Variants in ABCA7 observed in about 807,000 individuals in gnomAD.
ABCA7 encodes the protein ATP binding cassette subfamily A member 7.
Under a neutral mutation model 227.6 loss-of-function variants are expected in ABCA7, and 261 were observed. That is an observed-to-expected ratio of 1.15 (90% CI 1.04 to 1.27). The LOEUF (loss-of-function observed/expected upper bound fraction) is 1.27. ABCA7 is among the 50% of genes most tolerant of loss of function. ABCA7 has a pLI of 0.00. For missense variants in ABCA7, 3,331 were observed against 2,924.5 expected, an observed-to-expected ratio of 1.14 and a Z score of -3.21; for synonymous variants, 1,488 against 1,279.7, an observed-to-expected ratio of 1.16 and a Z score of -3.47.
intron 6 of ABCA7, 133 bp from the exon 7 acceptor site, chr19:1,042,613 C>T (rs752034201): frequency 1.8e-5 from 19 of 1,073,906 alleles, no homozygotes; most frequent in Non-Finnish European, 2.7e-5. Flanking sequence ...AGTCCCTTTG[C>T]CTCTCAGAGC....
At chr19:1,046,084 T>G (rs901446354) in intron 12 of ABCA7, 146 bp from the exon 13 acceptor site, 1 of 897,692 alleles carries the variant, frequency 1.1e-6, no homozygotes, top group Non-Finnish European at 1.7e-6. Flanking sequence ...TCCCGGGAGG[T>G]CAAGGCTGCA....
rs752328426 is a variant in ABCA7, at chr19:1,062,179, C to T, written c.5578C>T (p.Arg1860Trp). The T allele has an allele frequency of 6.8e-6, 11 of 1,611,892 alleles. No homozygotes were observed. Among genetic ancestry groups the T allele is most frequent in the South Asian group, 1.1e-5 (1 of 91,068 alleles). Residue 1860 changes from arginine (R) to tryptophan (W), a missense_variant, in exon 42 of 47, where the codon CGG (arginine) becomes TGG (tryptophan). Transcript: ENST00000263094. The part of the protein sequence containing the change: ...EAVLAGHSVA[R>W]EPSAAHLSMG... The stretch of plus-strand genomic sequence containing the variant: ...CGGCGCCCCCATCCCCAGCGTGGCC[C>T]GGGAACCCAGTGCTGCGCACCTCAG...
chr19:1,042,506 G>A, intron 6 of ABCA7, 109 bp downstream of exon 6: 1 of 1,375,726 alleles, frequency 7.3e-7, no homozygotes, highest in South Asian at 1.2e-5. Context: ...CATCCAGGCT[G>A]TCCCTGGTCT....
At chr19:1,053,292 A>T (rs1159055218) in intron 23 of ABCA7, 37 bp from the exon 24 acceptor site, 3 of 1,584,394 alleles carry the variant, frequency 1.9e-6, no homozygotes, top group Non-Finnish European at 2.6e-6. Flanking sequence ...GTGGGGCGTG[A>T]GCCGGGGCTC....
chr19:1,047,120 C>T (rs903650244), intron 14 of ABCA7, 37 bp from the exon 15 acceptor site: 1 of 1,575,738 alleles, frequency 6.3e-7, no homozygotes, highest in African/African-American at 1.4e-5. Context: ...CAGGCCAATC[C>T]AGGAGCTGCA....
Position 1,058,167 on chromosome 19 carries a change from A to G in ABCA7, c.5047A>G (p.Ile1683Val). The change falls in exon 37 of 47, where the codon ATC becomes GTC. Residue 1683 changes from isoleucine to valine, a missense_variant. Transcript: ENST00000263094. ...SDQKLQEVSRILKQVFLIFPH... is the reference protein window; with the variant it reads ...SDQKLQEVSRVLKQVFLIFPH... ...GCAGAAGCTGCAGGAGGTGAGCCGG[A>G]TCTTGAAACAGGTCTTCCTTATCTT... 6.2e-7 allele frequency: 1 copy of G among 1,613,826 alleles called. No homozygotes were observed. Among genetic ancestry groups the G allele is most frequent in the Non-Finnish European group, 8.5e-7 (1 of 1,179,966 alleles).
At position 1,056,807 on chromosome 19, in the gene ABCA7, C is replaced by T; in HGVS notation, c.4587-100C>T. ...CCCCTGCCATCTCTGCCACTGCTGACTGCCCCATAGACCTTTGTCCCATCA... is the reference window on the plus strand; with the variant it reads ...CCCCTGCCATCTCTGCCACTGCTGATTGCCCCATAGACCTTTGTCCCATCA... On this transcript the variant is annotated intron_variant, in intron 33 of 46. Transcript: ENST00000263094. This position sits in a 1 kb window ranked among gnomAD's most constrained non-coding sequence, Gnocchi z 4.3. The T allele has an allele frequency of 7.5e-7, 1 of 1,338,194 alleles. No homozygotes were observed. Among genetic ancestry groups the T allele is most frequent in the Non-Finnish European group, 1.0e-6 (1 of 962,622 alleles). 82.9% of individuals were successfully genotyped at this position (1,338,194 alleles called of 1,614,324 possible).
In ABCA7 at chr19:1,047,602, G is replaced by A. The variant is rs1170409580; in HGVS notation, c.2217G>A (p.Leu739=). 6.2e-7 allele frequency: 1 copy of A among 1,603,028 alleles called. No homozygotes were observed. The highest frequency in any genetic ancestry group is 8.5e-7 in the Non-Finnish European group (1 of 1,179,262). The change falls in exon 16 of 47, where the codon CTG becomes CTA. Residue 739 remains leucine (L), a synonymous_variant. Coordinates refer to ENST00000263094, the MANE Select transcript of ABCA7 (RefSeq NM_019112.4). ...SLAQVSGLLL[L]DAALYGLATW... ...CCCAGGTCTCTGGCCTTCTGCTGCT[G>A]GACGCGGCGCTCTACGGCCTCGCCA...
chr19:1,043,500 G>A (rs2040267010), intron 9 of ABCA7, 27 bp downstream of exon 9: 1 of 1,613,038 alleles, frequency 6.2e-7, no homozygotes, highest in African/African-American at 1.3e-5. Flanking sequence ...TGCTGGGGTG[G>A]GAGGGTGGTG....
Position 1,055,136 on chromosome 19 carries a change from C to G in ABCA7, c.3990C>G (p.Val1330=). 6.2e-7 allele frequency: 1 copy of G among 1,613,032 alleles called. No individual in the cohort carries two copies. The highest frequency in any genetic ancestry group is 1.1e-5 in the South Asian group (1 of 91,082). The change falls in exon 30 of 47, where the codon GTC becomes GTG. Residue 1330 remains valine (V), a synonymous_variant. Coordinates refer to ENST00000263094, the MANE Select transcript of ABCA7 (RefSeq NM_019112.4). ...APEVPAEVAK[V]LASGNWTPES... ...AAGTTCCTGCTGAAGTGGCCAAGGTCTTGGCCAGTGGCAACTGGACCCCAG... is the reference window on the plus strand; with the variant it reads ...AAGTTCCTGCTGAAGTGGCCAAGGTGTTGGCCAGTGGCAACTGGACCCCAG...
At chr19:1,049,467 GCCCCCCCACTCCCACC>G (rs2041171501) in intron 18 of ABCA7, 30 bp downstream of exon 18, 1 of 1,255,376 alleles carries the variant, frequency 8.0e-7, no homozygotes. Context: ...CTCCCCGTGA[GCCCCCCCACTCCCACC>G]CCGTGAGCCC....
chr19:1,062,829 T>C (rs999778577), intron 42 of ABCA7, among the ~76,000 whole-genome samples: 3 of 136,454 alleles, frequency 2.2e-5, no homozygotes, highest in Non-Finnish European at 4.7e-5. Context: ...ACCCACACCA[T>C]GGCCCTGCTC....
chr19:1,058,135 C>G lies in ABCA7; in HGVS notation c.5026-11C>G. 1 of 1,614,028 alleles carries G rather than the reference C, an allele frequency of 6.2e-7. No individual in the cohort carries two copies. The highest frequency in any genetic ancestry group is 8.5e-7 in the Non-Finnish European group (1 of 1,180,014). The stretch of plus-strand genomic sequence containing the variant: ...GCCCCTGACCAACATCCGTCTCCCA[C>G]CCTTGAGCAGAAGCTGCAGGAGGTG... On this transcript the variant is annotated splice_polypyrimidine_tract_variant and intron_variant, in intron 36 of 46. Transcript: ENST00000263094.
chr19:1,065,094 G>A lies in ABCA7; in HGVS notation c.6208G>A (p.Val2070Ile). ...PPGGRCALAR[V>I]FGELAVHGAE... is the part of the protein sequence containing the mutation. ...GGGAGGGCGCTGCGCCCTGGCGCGCGTCTTTGGAGAGCTGGCGGTGCACGG... is the reference window on the plus strand; with the variant it reads ...GGGAGGGCGCTGCGCCCTGGCGCGCATCTTTGGAGAGCTGGCGGTGCACGG... Residue 2070 changes from valine (V) to isoleucine (I), a missense_variant, in exon 46 of 47, where the codon GTC becomes ATC. By Grantham distance (29) the Val-to-Ile change is conservative (BLOSUM62 3). Transcript: ENST00000263094. 1 of 1,579,616 alleles carries A rather than the reference G, an allele frequency of 6.3e-7. No homozygotes were observed. Among genetic ancestry groups the A allele is most frequent in the Non-Finnish European group, 8.6e-7 (1 of 1,163,602 alleles).
Position 1,065,470 on chromosome 19 carries a change from AGGG to A in ABCA7, c.*46_*48del. 1 of 1,605,196 alleles carries A rather than the reference AGGG, an allele frequency of 6.2e-7. No homozygotes were observed. Among genetic ancestry groups the A allele is most frequent in the Non-Finnish European group, 8.5e-7 (1 of 1,174,822 alleles). On this transcript the variant is annotated 3_prime_UTR_variant, in exon 47 of 47. Coordinates refer to ENST00000263094, the MANE Select transcript of ABCA7 (RefSeq NM_019112.4). ...CCGCGGGGAGGCCCTGGGAATGGCA[AGGG>A]CAAGGTAGAGTGCCTAGGAGCCCTG...
chr19:1,046,174 G>T (rs968535968), intron 12 of ABCA7, 56 bp from the exon 13 acceptor site: 10 of 1,580,074 alleles, frequency 6.3e-6, no homozygotes, highest in Non-Finnish European at 7.7e-6. Context: ...ATTCAGGGTG[G>T]GGCCCCGGGA....
rs529378024 is a variant in ABCA7, at chr19:1,042,071, C to G, written c.310C>G (p.Arg104Gly). ...CCCTCTCTCTGTCCCCAGGGTCTCC[C>G]GGCTGCTAGCCGATGCCCGCACTGT... Reference protein sequence around the residue: ...LSNFNDSLVSRLLADARTVLG... With the variant: ...LSNFNDSLVSGLLADARTVLG... The change falls in exon 5 of 47, where the codon CGG becomes GGG. Residue 104 changes from arginine (R) to glycine (G), a missense_variant. Arg to Gly is a moderately radical substitution (Grantham distance 125, BLOSUM62 -2). Coordinates refer to ENST00000263094, the MANE Select transcript of ABCA7 (RefSeq NM_019112.4). The G allele has an allele frequency of 1.9e-6, 3 of 1,592,544 alleles. No individual in the cohort carries two copies. Among genetic ancestry groups the G allele is most frequent in the South Asian group, 2.2e-5 (2 of 90,048 alleles).
chr19:1,042,141 A>G lies in ABCA7; in HGVS notation c.380A>G (p.Lys127Arg). The stretch of plus-strand genomic sequence containing the variant: ...CACAGGACGCTGGCTGGCCTAGGGA[A>G]GCTGATCGCCACGCTGAGGGCTGCA... Reference protein sequence around the residue: ...SAHRTLAGLGKLIATLRAARS... With the variant: ...SAHRTLAGLGRLIATLRAARS... The change falls in exon 5 of 47, where the codon AAG becomes AGG. Residue 127 changes from lysine (K) to arginine (R), a missense_variant. By Grantham distance (26) the Lys-to-Arg change is conservative (BLOSUM62 2). Coordinates refer to ENST00000263094, the MANE Select transcript of ABCA7 (RefSeq NM_019112.4). The G allele has an allele frequency of 6.3e-7, 1 of 1,599,860 alleles. No individual in the cohort carries two copies. Among genetic ancestry groups the G allele is most frequent in the Non-Finnish European group, 8.5e-7 (1 of 1,179,296 alleles).
rs59237564 is a variant in ABCA7 at position 1,055,079 on chromosome 19, A to G, written c.3951-18A>G. The G allele has an allele frequency of 1.1e-3, 1,726 of 1,605,574 alleles. 23 individuals carry two copies. In the African/African-American group the frequency reaches 0.02, roughly 19 times the overall value. Reference sequence around the variant, plus strand: ...GACCCTGCAGCGCCCTTGAGTGTGCACAGCCCATTGTCTGCAGGTTCTCGG... The same window carrying G: ...GACCCTGCAGCGCCCTTGAGTGTGCGCAGCCCATTGTCTGCAGGTTCTCGG... On this transcript the variant is annotated intron_variant, in intron 29 of 46. Coordinates refer to ENST00000263094, the MANE Select transcript of ABCA7 (RefSeq NM_019112.4).
Sources: gnomAD v4.1 joint callset for allele counts (sites outside exome capture counted in the v4.1 genomes callset) on GRCh38, gnomAD v4.1.1 for gene constraint, Gnocchi (gnomAD v3.1) non-coding constraint, MANE v1.5 for transcripts, NCBI Gene and HGNC (gene_info 2026-07-23, HGNC 2026-07-21) for gene names.